Variants in CERT1 observed in about 807,000 individuals in gnomAD.
CERT1 encodes the protein ceramide transfer protein.
In CERT1, 31 loss-of-function variants were observed where a neutral mutation model predicts 87.9. The ratio of observed to expected loss-of-function variants is 0.35; its 90% CI spans 0.27 to 0.48. The LOEUF (loss-of-function observed/expected upper bound fraction) is 0.48. Ranked by LOEUF, CERT1 falls within the 20% of genes least tolerant of loss-of-function variation. The probability of loss-of-function intolerance (pLI) is 0.99; values close to 1 mark genes in which losing one functional copy is unlikely to be tolerated. For synonymous variants in CERT1, 289 were observed against 250.9 expected (o/e 1.15, Z -1.44); for missense variants, 487 against 758.0 (o/e 0.64, Z 4.20).
At chr5:75,488,828 C>A (rs1265242298) in intron 2 of CERT1, among the ~76,000 whole-genome samples, 2 of 152,170 alleles carry the variant, frequency 1.3e-5, no homozygotes, top group Non-Finnish European at 2.9e-5. Flanking sequence ...TACCCAGTAT[C>A]CTTTTCAATG....
intron 7 of CERT1, among the ~76,000 whole-genome samples, chr5:75,411,336 C>T (rs1006090122): frequency 1.3e-5 from 2 of 152,106 alleles, no homozygotes; most frequent in East Asian, 1.9e-4. Flanking sequence ...TTTTTTGAGA[C>T]GGAGTCTTGC....
intron 2 of CERT1, among the ~76,000 whole-genome samples, chr5:75,476,406 T>C (rs1034100386): frequency 1.3e-5 from 2 of 152,120 alleles, no homozygotes; most frequent in African/African-American, 2.4e-5. Flanking sequence ...AACCAAATCA[T>C]GTCACTCCTC....
intron 11 of CERT1, among the ~76,000 whole-genome samples, chr5:75,390,169 C>T (rs1761972583): frequency 6.6e-6 from 1 of 152,032 alleles, no homozygotes; most frequent in Non-Finnish European, 1.5e-5. Context: ...TATATCTTTG[C>T]TCTCATACGA....
At chr5:75,509,874 A>G (rs1305236094) in intron 1 of CERT1, among the ~76,000 whole-genome samples, 2 of 152,194 alleles carry the variant, frequency 1.3e-5, no homozygotes, top group Non-Finnish European at 2.9e-5. Context: ...AATCCTGAGG[A>G]GCTTCTCGTT....
chr5:75,375,582 A>AAAATAAATAAATAAATAAAT (rs35679444), downstream of CERT1: 1 of 133,866 alleles, frequency 7.5e-6, no homozygotes. Context: ...ATGCTGTCTC[A>AAAATAAATAAATAAATAAAT]AAATAAATAA....
At chr5:75,438,001 A>G (rs1764166826) in intron 3 of CERT1, among the ~76,000 whole-genome samples, 1 of 152,082 alleles carries the variant, frequency 6.6e-6, no homozygotes, top group African/African-American at 2.4e-5. Flanking sequence ...TCATTGTGTG[A>G]AATTTCCTGA....
intron 3 of CERT1, among the ~76,000 whole-genome samples, chr5:75,433,634 C>T (rs924597465): frequency 3.9e-5 from 6 of 152,200 alleles, no homozygotes; most frequent in Non-Finnish European, 7.3e-5. Flanking sequence ...GGTCCTCCTG[C>T]CTCAGCCTCC....
At chr5:75,457,899 T>G in intron 3 of CERT1, among the ~76,000 whole-genome samples, 1 of 149,224 alleles carries the variant, frequency 6.7e-6, no homozygotes, top group African/African-American at 2.5e-5. Flanking sequence ...GGTGTATGGG[T>G]ATAGGCGCGC....
In CERT1 at chr5:75,385,852, A is replaced by G. The variant is rs1580697656; in HGVS notation, c.1417+50T>C. On this transcript the variant is annotated intron_variant, in intron 13 of 16. Transcript: ENST00000643780. ...GATGCAGAAAACTAGGTTGGATTTG[A>G]TATTAAATTCAAAATAATAGATTAA... The G allele has an allele frequency of 3.0e-6, 4 of 1,313,110 alleles. No individual in the cohort carries two copies. In the East Asian group the frequency reaches 1.1e-4, roughly 38 times the overall value. 81.3% of individuals were successfully genotyped at this position (1,313,110 alleles called of 1,614,324 possible).
chr5:75,411,776 A>C (rs1311318481), intron 7 of CERT1, among the ~76,000 whole-genome samples: 1 of 152,148 alleles, frequency 6.6e-6, no homozygotes, highest in Non-Finnish European at 1.5e-5. Flanking sequence ...TCCCCTTCCC[A>C]CCAACCCCAG....
At chr5:75,510,380 AT>A (rs1474526989) in intron 1 of CERT1, among the ~76,000 whole-genome samples, 1 of 152,166 alleles carries the variant, frequency 6.6e-6, no homozygotes, top group Non-Finnish European at 1.5e-5. Context: ...TGATACAGGG[AT>A]TTTAAAAAAT....
intron 2 of CERT1, among the ~76,000 whole-genome samples, chr5:75,493,854 CA>C (rs1425098188): frequency 6.6e-6 from 1 of 152,050 alleles, no homozygotes; most frequent in African/African-American, 2.4e-5. Context: ...TTTAAAAAAA[CA>C]AAAATCTTTT....
chr5:75,435,728 A>T (rs1354193822), intron 3 of CERT1, among the ~76,000 whole-genome samples: 1 of 152,122 alleles, frequency 6.6e-6, no homozygotes, highest in Non-Finnish European at 1.5e-5. Context: ...ATGTGTTCTA[A>T]TCCTGGGGGG....
chr5:75,501,138 C>A (rs904640348), intron 2 of CERT1, among the ~76,000 whole-genome samples: 1 of 152,034 alleles, frequency 6.6e-6, no homozygotes, highest in African/African-American at 2.4e-5. Context: ...TGTACCACCA[C>A]GCCAAGCTGA....
chr5:75,399,253 G>T, intron 11 of CERT1, 57 bp downstream of exon 11: 1 of 1,295,118 alleles, frequency 7.7e-7, no homozygotes, highest in Non-Finnish European at 1.1e-6. Flanking sequence ...AACTGGGAAA[G>T]CAGGCTGAAA....
At position 75,511,160 on chromosome 5, in the gene CERT1, T is replaced by C. The variant is rs746754226; in HGVS notation, c.48A>G (p.Pro16=). The part of the protein sequence containing the change: ...SWNSSGSEED[P]ETESGPPVER... ...CCACAGGCGGCCCAGACTCCGTCTC[T>C]GGATCCTCCTCCGAGCCCGACGAGT... Residue 16 remains proline, a synonymous_variant, in exon 1 of 17, where the codon CCA becomes CCG. Coordinates refer to ENST00000643780, the MANE Select transcript of CERT1 (RefSeq NM_001379029.1). The C allele has an allele frequency of 1.2e-6, 2 of 1,611,554 alleles. No homozygotes were observed. The highest frequency in any genetic ancestry group is 1.7e-6 in the Non-Finnish European group (2 of 1,179,054).
chr5:75,471,774 A>G (rs1362343444), intron 2 of CERT1, among the ~76,000 whole-genome samples: 2 of 151,416 alleles, frequency 1.3e-5, no homozygotes, highest in East Asian at 3.9e-4. Context: ...AAAAAAAAAA[A>G]AGAAAAGGTG....
chr5:75,433,745 C>G (rs1763968120), intron 3 of CERT1, among the ~76,000 whole-genome samples: 1 of 152,146 alleles, frequency 6.6e-6, no homozygotes, highest in Non-Finnish European at 1.5e-5. Flanking sequence ...TAGTCTCCAA[C>G]TCCTGGTCTC....
chr5:75,434,116 C>T lies in CERT1; in HGVS notation c.349-7638G>A, dbSNP rs764438555. Among the ~76,000 whole-genome samples the T allele has an allele frequency of 6.6e-5, 10 of 150,750 alleles. No individual in the cohort carries two copies. In the East Asian group the frequency reaches 7.8e-4, roughly 12 times the overall value. ...AGCTTTTGCCTGTTCAGTATTACAT[C>T]GGCTGTGAGTTTGTCAAAGATGGCT... On this transcript the variant is annotated intron_variant, in intron 3 of 16. Coordinates refer to ENST00000643780, the MANE Select transcript of CERT1 (RefSeq NM_001379029.1).
Sources: gnomAD v4.1 joint callset for allele counts (sites outside exome capture counted in the v4.1 genomes callset) on GRCh38, gnomAD v4.1.1 for gene constraint, MANE v1.5 for transcripts, NCBI Gene and HGNC (gene_info 2026-07-23, HGNC 2026-07-21) for gene names.